Variants in DHDDS observed in about 807,000 individuals in gnomAD.
DHDDS encodes dehydrodolichyl diphosphate synthase subunit.
DHDDS carries 16 observed loss-of-function variants against 46.2 expected under a neutral mutation model. The observed-to-expected ratio is 0.35, with a 90% CI of 0.23 to 0.53. The LOEUF (loss-of-function observed/expected upper bound fraction) is 0.53, where lower values mean the gene tolerates loss of function less well. Among genes scored for constraint, DHDDS ranks in the 20% least tolerant of loss-of-function variants. The pLI, the probability that DHDDS is intolerant of heterozygous loss-of-function variation, is 0.94. For missense variants in DHDDS, 340 were observed against 423.7 expected, an observed-to-expected ratio of 0.80 and a Z score of 1.73; for synonymous variants, 151 against 163.1, an observed-to-expected ratio of 0.93 and a Z score of 0.56.
intron 4 of DHDDS, among the ~76,000 whole-genome samples, chr1:26,443,741 TAC>T (rs1436602604): frequency 6.6e-6 from 1 of 152,106 alleles, no homozygotes; most frequent in Non-Finnish European, 1.5e-5. Context: ...GACTCTGGGC[TAC>T]AGACATTGCT....
intron 8 of DHDDS, chr1:26,467,285 G>A (rs776576282): frequency 1.8e-4 from 86 of 469,476 alleles, no homozygotes; most frequent in African/African-American, 1.5e-3. Context: ...AAAAAATCCT[G>A]TATGTAGCAC....
intron 6 of DHDDS, chr1:26,455,144 C>T (rs2075358921): frequency 1.3e-6 from 1 of 775,182 alleles, no homozygotes. Context: ...TCTTGATTTG[C>T]ATGATATCAT....
intron 6 of DHDDS, among the ~76,000 whole-genome samples, chr1:26,452,062 T>C (rs919974408): frequency 1.3e-5 from 2 of 152,132 alleles, no homozygotes; most frequent in Non-Finnish European, 2.9e-5. Flanking sequence ...CGTTTTGTTT[T>C]TGAGACAGGG....
At chr1:26,465,539 A>C (rs950529317) in intron 8 of DHDDS, among the ~76,000 whole-genome samples, 1 of 152,216 alleles carries the variant, frequency 6.6e-6, no homozygotes, top group Non-Finnish European at 1.5e-5. Context: ...TTAACCCCTC[A>C]GAGTATCATT....
At chr1:26,455,149 T>TG in intron 6 of DHDDS, 1 of 774,058 alleles carries the variant, frequency 1.3e-6, no homozygotes, top group Non-Finnish European at 2.4e-6. Flanking sequence ...ATTTGCATGA[T>TG]ATCATGAGGT....
chr1:26,454,819 A>C, intron 6 of DHDDS: 1 of 1,581,024 alleles, frequency 6.3e-7, no homozygotes, highest in Non-Finnish European at 8.6e-7. Flanking sequence ...GGCACATCTT[A>C]GGTGCTTTGT....
intron 6 of DHDDS, chr1:26,455,326 C>G: frequency 2.0e-6 from 1 of 498,684 alleles, no homozygotes; most frequent in South Asian, 2.3e-5. Flanking sequence ...ACAAGATTGT[C>G]AGATTACCAG....
chr1:26,457,865 C>G lies in DHDDS; in HGVS notation c.617C>G (p.Thr206Ser), dbSNP rs2075386194. 6.2e-7 allele frequency: 1 copy of G among 1,613,910 alleles called. No homozygotes were observed. The highest frequency in any genetic ancestry group is 8.5e-7 in the Non-Finnish European group (1 of 1,180,004). Residue 206 changes from threonine to serine, a missense_variant, in exon 7 of 9, where the codon ACT becomes AGT. By Grantham distance (58) the Thr-to-Ser change is moderately conservative. This residue lies in a region of DHDDS where 268 missense variants were observed against 300.3 expected (regional missense o/e 0.89). Transcript: ENST00000236342. ...RSPHPDILIR[T>S]SGEVRLSDFL... ...CCTCATCCTGACATCTTGATACGGACTTCTGGAGAAGTGCGGCTGAGTGAC... is the reference window on the plus strand; with the variant it reads ...CCTCATCCTGACATCTTGATACGGAGTTCTGGAGAAGTGCGGCTGAGTGAC...
chr1:26,434,745 T>C (rs2075135971), intron 2 of DHDDS, among the ~76,000 whole-genome samples: 1 of 151,484 alleles, frequency 6.6e-6, no homozygotes, highest in Non-Finnish European at 1.5e-5. Context: ...CTCTGTCTCC[T>C]GGGTTCAAGC....
intron 8 of DHDDS, chr1:26,467,357 G>A (rs1298814828): frequency 2.1e-6 from 1 of 471,480 alleles, no homozygotes; most frequent in Non-Finnish European, 4.4e-6. Context: ...GAGCTCTACG[G>A]CAACTGTTCA....
intron 6 of DHDDS, chr1:26,455,144 CATG>C: frequency 5.2e-6 from 4 of 775,182 alleles, no homozygotes; most frequent in Admixed American, 5.1e-5. Flanking sequence ...TCTTGATTTG[CATG>C]ATATCATGAG....
At chr1:26,434,358 C>T (rs193054114) in intron 2 of DHDDS, among the ~76,000 whole-genome samples, 36 of 152,286 alleles carry the variant, frequency 2.4e-4, no homozygotes, top group Admixed American at 1.8e-3. Context: ...AACCTTTATA[C>T]AAGCCCCACA....
chr1:26,438,024 T>C, intron 2 of DHDDS, 144 bp from the exon 3 acceptor site: 1 of 796,298 alleles, frequency 1.3e-6, no homozygotes, highest in Non-Finnish European at 2.2e-6. Flanking sequence ...AATGTCTTTT[T>C]ACTGAGTTAA....
intron 7 of DHDDS, among the ~76,000 whole-genome samples, chr1:26,458,970 AG>A (rs970479614): frequency 7.2e-5 from 11 of 152,080 alleles, no homozygotes; most frequent in Non-Finnish European, 4.4e-5. Flanking sequence ...AAATGAGGAA[AG>A]GATAGTGGTC....
chr1:26,455,068 A>G, intron 6 of DHDDS: 3 of 911,076 alleles, frequency 3.3e-6, no homozygotes, highest in Non-Finnish European at 3.7e-6. Context: ...CTTTTCGTAT[A>G]TGCATACCCT....
chr1:26,467,700 A>T (rs954253140), intron 8 of DHDDS, among the ~76,000 whole-genome samples: 2 of 152,214 alleles, frequency 1.3e-5, no homozygotes, highest in Admixed American at 6.5e-5. Flanking sequence ...AAACATGTAT[A>T]CAAGTTTATC....
intron 3 of DHDDS, 28 bp downstream of exon 3, chr1:26,438,312 G>T: frequency 1.3e-6 from 2 of 1,597,746 alleles, no homozygotes; most frequent in South Asian, 2.2e-5. Context: ...AGCCCAAAGT[G>T]AACAGTCTGT....
intron 7 of DHDDS, among the ~76,000 whole-genome samples, chr1:26,459,428 T>C (rs1282440072): frequency 6.6e-6 from 1 of 152,240 alleles, no homozygotes; most frequent in South Asian, 2.1e-4. Context: ...ACCTGGCTCT[T>C]TGCTATGCAT....
rs529255191 is a variant in DHDDS at position 26,456,263 on chromosome 1, T to G, written c.543-1528T>G. 1.1e-4 allele frequency among the ~76,000 whole-genome samples: 17 copies of G among 152,294 alleles called. No individual in the cohort carries two copies. The South Asian group carries it at 2.9e-3, about 26-fold the overall frequency. ...GTTGCACACCTGTGGTCCTAGCTAC[T>G]TGGGAAGCTGAGGTAGGAGGATTGC... is the stretch of plus-strand genomic sequence containing the variant. On this transcript the variant is annotated intron_variant, in intron 6 of 8. Transcript: ENST00000236342.
Sources: gnomAD v4.1 joint callset for allele counts (sites outside exome capture counted in the v4.1 genomes callset) on GRCh38, gnomAD v4.1.1 for gene constraint, gnomAD v4.1.1 regional missense constraint, MANE v1.5 for transcripts, NCBI Gene and HGNC (gene_info 2026-07-23, HGNC 2026-07-21) for gene names.